The following DYNC1I2 variants were observed in gnomAD, a reference collection of about 807,000 sequenced individuals.
DYNC1I2 encodes the protein dynein cytoplasmic 1 intermediate chain 2.
In DYNC1I2, 53 loss-of-function variants were observed where a neutral mutation model predicts 88.6. The observed-to-expected ratio is 0.60, with a 90% CI of 0.48 to 0.75. The LOEUF (loss-of-function observed/expected upper bound fraction) is 0.75, where lower values mean the gene tolerates loss of function less well. Ranked by LOEUF, DYNC1I2 falls within the 30% of genes least tolerant of loss-of-function variation. DYNC1I2 has a pLI of 0.00. For missense variants in DYNC1I2, 458 were observed against 766.6 expected (o/e 0.60, Z 4.75); for synonymous variants, 198 against 254.6 (o/e 0.78, Z 2.12).
In DYNC1I2 at chr2:171,748,735, A is replaced by G. The variant is rs1177713587; in HGVS notation, c.*846A>G. Reference sequence around the variant, plus strand: ...AATTTTCACTGATTAAGAACTATGTATGTGACCTCACTGAGAGTAAAATCT... The same window carrying G: ...AATTTTCACTGATTAAGAACTATGTGTGTGACCTCACTGAGAGTAAAATCT... On this transcript the variant is annotated 3_prime_UTR_variant, in exon 18 of 18. Transcript: ENST00000397119. 6.6e-6 allele frequency among the ~76,000 whole-genome samples: 1 copy of G among 152,226 alleles called. No homozygotes were observed. The highest frequency in any genetic ancestry group is 1.5e-5 in the Non-Finnish European group (1 of 68,024).
At chr2:171,690,325 T>A in intron 2 of DYNC1I2, 62 bp downstream of exon 2, 1 of 1,238,282 alleles carries the variant, frequency 8.1e-7, no homozygotes, top group East Asian at 2.6e-5. Context: ...TTTCACATAT[T>A]TATATATTTA....
chr2:171,730,985 A>T (rs987927622), intron 15 of DYNC1I2, among the ~76,000 whole-genome samples: 1 of 152,198 alleles, frequency 6.6e-6, no homozygotes, highest in Non-Finnish European at 1.5e-5. Flanking sequence ...GCCTTTTAAA[A>T]TTGAGCATTT....
At chr2:171,692,516 TTGTC>T (rs1194630489) in intron 2 of DYNC1I2, among the ~76,000 whole-genome samples, 1 of 152,142 alleles carries the variant, frequency 6.6e-6, no homozygotes, top group Non-Finnish European at 1.5e-5. Context: ...CTTCTTGAAT[TTGTC>T]TGTTAGGAAA....
chr2:171,701,188 A>C (rs969323974), intron 3 of DYNC1I2, among the ~76,000 whole-genome samples: 1 of 151,754 alleles, frequency 6.6e-6, no homozygotes, highest in African/African-American at 2.4e-5. Flanking sequence ...TTCCCCTGCT[A>C]TTTTTCTTTT....
At position 171,707,631 on chromosome 2, in the gene DYNC1I2, A is replaced by G. The variant is rs147341848; in HGVS notation, c.335+254A>G. Among the ~76,000 whole-genome samples the G allele has an allele frequency of 3.9e-3, 597 of 152,284 alleles. 3 individuals are homozygous for G. The highest frequency in any genetic ancestry group is 0.013 in the African/African-American group (557 of 41,552). On this transcript the variant is annotated intron_variant, in intron 5 of 17. Coordinates refer to ENST00000397119, the MANE Select transcript of DYNC1I2 (RefSeq NM_001378.3). Reference sequence around the variant, plus strand: ...CAACCGGTTTTATGCTAATTATTTTATATTAAAAATAGAGATATTAATGCT... The same window carrying G: ...CAACCGGTTTTATGCTAATTATTTTGTATTAAAAATAGAGATATTAATGCT...
At chr2:171,695,100 G>C (rs1317217715) in intron 3 of DYNC1I2, among the ~76,000 whole-genome samples, 1 of 151,122 alleles carries the variant, frequency 6.6e-6, no homozygotes, top group Non-Finnish European at 1.5e-5. Flanking sequence ...TATTTGTTTG[G>C]TTTTTGGTTT....
chr2:171,735,434 T>C (rs6709156), intron 15 of DYNC1I2, among the ~76,000 whole-genome samples: 44,150 of 152,058 alleles, frequency 0.29, 6,695 homozygotes, highest in African/African-American at 0.38. Flanking sequence ...GAAATGTTCA[T>C]TGAAGCATTT....
In DYNC1I2 at chr2:171,730,205, C is replaced by G. The variant is rs182906220; in HGVS notation, c.1536+352C>G. Reference sequence around the variant, plus strand: ...GCTCAGCACAAAAGCTATGCATTTGCTCTTTGGAGAGTTTTTAACAGGTTA... The same window carrying G: ...GCTCAGCACAAAAGCTATGCATTTGGTCTTTGGAGAGTTTTTAACAGGTTA... On this transcript the variant is annotated intron_variant, in intron 15 of 17. Coordinates refer to ENST00000397119, the MANE Select transcript of DYNC1I2 (RefSeq NM_001378.3). Among the ~76,000 whole-genome samples, 73 of 152,218 alleles carry G rather than the reference C, an allele frequency of 4.8e-4. No individual in the cohort carries two copies. The East Asian group carries it at 0.014, about 29-fold the overall frequency.
chr2:171,715,480 C>T (rs1325749692), intron 7 of DYNC1I2, 37 bp downstream of exon 7: 4 of 1,309,308 alleles, frequency 3.1e-6, no homozygotes, highest in Non-Finnish European at 3.2e-6. Context: ...TCATTGAGCA[C>T]CTATGTTAAA....
chr2:171,745,176 T>C (rs1689700049), intron 16 of DYNC1I2, among the ~76,000 whole-genome samples: 1 of 152,156 alleles, frequency 6.6e-6, no homozygotes, highest in African/African-American at 2.4e-5. Flanking sequence ...GTTTGCTCCA[T>C]GTGTAGCAAA....
At chr2:171,697,283 A>G (rs974556904) in intron 3 of DYNC1I2, among the ~76,000 whole-genome samples, 4 of 152,084 alleles carry the variant, frequency 2.6e-5, no homozygotes, top group African/African-American at 9.7e-5. Context: ...TGGCCTCCCA[A>G]GGTGCTGGGA....
chr2:171,729,451 C>G (rs1237892901), intron 14 of DYNC1I2, among the ~76,000 whole-genome samples: 1 of 152,126 alleles, frequency 6.6e-6, no homozygotes, highest in South Asian at 2.1e-4. Context: ...TTCTATTACA[C>G]CACTTCAGAT....
At chr2:171,690,311 T>G (rs1472079000) in intron 2 of DYNC1I2, 48 bp downstream of exon 2, 1 of 1,326,468 alleles carries the variant, frequency 7.5e-7, no homozygotes. Context: ...GTAATTGGGT[T>G]TTATTTCACA....
intron 1 of DYNC1I2, chr2:171,688,706 C>G (rs2105437879): frequency 6.6e-6 from 1 of 152,284 alleles, no homozygotes; most frequent in East Asian, 1.9e-4. Context: ...AATTCGCTTG[C>G]CAGTCTTAAT....
intron 15 of DYNC1I2, among the ~76,000 whole-genome samples, chr2:171,743,146 A>G (rs1437216717): frequency 6.6e-6 from 1 of 152,228 alleles, no homozygotes; most frequent in African/African-American, 2.4e-5. Flanking sequence ...TATATGTATT[A>G]TATACTGTCA....
chr2:171,729,864 T>C lies in DYNC1I2; in HGVS notation c.1536+11T>C, dbSNP rs1688492419. 6.2e-7 allele frequency: 1 copy of C among 1,613,162 alleles called. No homozygotes were observed. The highest frequency in any genetic ancestry group is 1.3e-5 in the African/African-American group (1 of 74,896). ...CTTTGGACAACTAAGGTATCTAAAA[T>C]ATAGATGTCTGCTATTTGCTCAGGT... On this transcript the variant is annotated intron_variant, in intron 15 of 17. Coordinates refer to ENST00000397119, the MANE Select transcript of DYNC1I2 (RefSeq NM_001378.3).
intron 12 of DYNC1I2, 86 bp downstream of exon 12, chr2:171,728,053 C>G: frequency 7.0e-7 from 1 of 1,420,946 alleles, no homozygotes; most frequent in Non-Finnish European, 9.4e-7. Context: ...AGAGTCATCT[C>G]AGAATGTGCT....
intron 3 of DYNC1I2, among the ~76,000 whole-genome samples, chr2:171,701,824 C>T (rs1270577287): frequency 6.6e-6 from 1 of 152,096 alleles, no homozygotes; most frequent in African/African-American, 2.4e-5. Context: ...TACTATCTGG[C>T]ATAATTTTCA....
rs1256590450 is a variant in DYNC1I2, at chr2:171,712,748, T to C, written c.336-19T>C. On this transcript the variant is annotated intron_variant, in intron 5 of 17. Transcript: ENST00000397119. ...GGCCTTTTTTGCTAATGCTTCATGG[T>C]TGTCCTACAACCATTTAGGACGCTG... 1.2e-6 allele frequency: 2 copies of C among 1,605,258 alleles called. No individual in the cohort carries two copies. The highest frequency in any genetic ancestry group is 3.4e-5 in the Admixed American group (2 of 58,838).
Sources: gnomAD v4.1 joint callset for allele counts (sites outside exome capture counted in the v4.1 genomes callset) on GRCh38, gnomAD v4.1.1 for gene constraint, MANE v1.5 for transcripts, NCBI Gene and HGNC (gene_info 2026-07-23, HGNC 2026-07-21) for gene names.